Variants in PYY observed in about 807,000 individuals in gnomAD.
PYY encodes peptide tyrosine tyrosine.
PYY carries 12 observed loss-of-function variants against 10.3 expected under a neutral mutation model. The ratio of observed to expected loss-of-function variants is 1.17; its 90% CI spans 0.75 to 1.89. The LOEUF is 1.89. Ranked by LOEUF, PYY falls within the 40% of genes most tolerant of loss-of-function variation. The probability of loss-of-function intolerance (pLI) is 0.00; values close to 1 mark genes in which losing one functional copy is unlikely to be tolerated. For missense variants in PYY, 141 were observed against 134.0 expected, an observed-to-expected ratio of 1.05 and a Z score of -0.26; for synonymous variants, 66 against 62.0, an observed-to-expected ratio of 1.06 and a Z score of -0.30.
At chr17:43,967,341 T>G (rs1397227735) in intron 1 of PYY, among the ~76,000 whole-genome samples, 2 of 152,012 alleles carry the variant, frequency 1.3e-5, no homozygotes, top group African/African-American at 2.4e-5. Context: ...CCCTAAACAC[T>G]ATGCACTCTC....
chr17:43,974,067 A>G (rs893799697), intron 1 of PYY, among the ~76,000 whole-genome samples: 1 of 152,042 alleles, frequency 6.6e-6, no homozygotes, highest in Non-Finnish European at 1.5e-5. Flanking sequence ...GTGAGTATGA[A>G]TATCTTTTCC....
rs780206447 is a variant in PYY, at chr17:43,953,134, C to T, written c.244G>A (p.Gly82Ser). Reference sequence around the variant, plus strand: ...CGCGACCTGACGGGGCGGTCCTCGCCGTCGGGGAAGAACGTTTTGGAAAGA... The same window carrying T: ...CGCGACCTGACGGGGCGGTCCTCGCTGTCGGGGAAGAACGTTTTGGAAAGA... ...TLLSKTFFPD[G>S]EDRPVRSRSE... Residue 82 changes from glycine (G) to serine (S), a missense_variant, in exon 3 of 4, where the codon GGC becomes AGC. Transcript: ENST00000692052. The T allele has an allele frequency of 1.7e-5, 28 of 1,613,988 alleles. No individual in the cohort carries two copies. The East Asian group carries it at 6.0e-4, about 35-fold the overall frequency.
chr17:43,956,740 C>T, upstream of PYY, among the ~76,000 whole-genome samples: 1 of 152,146 alleles, frequency 6.6e-6, no homozygotes, highest in Non-Finnish European at 1.5e-5. Flanking sequence ...CCATTCATCC[C>T]CAGAGGCTTA....
intron 1 of PYY, among the ~76,000 whole-genome samples, chr17:43,989,067 A>ATTT (rs77139423): frequency 0.94 from 141,577 of 151,110 alleles, 66,365 homozygotes; most frequent in East Asian, 1. Flanking sequence ...CGGCCCTAGC[A>ATTT]TTTTAATTGT....
intron 1 of PYY, 74 bp from the exon 2 acceptor site, chr17:43,953,557 G>T (rs1597840894): frequency 1.5e-6 from 2 of 1,376,746 alleles, no homozygotes; most frequent in East Asian, 5.0e-5. Flanking sequence ...GGCTGCCGTC[G>T]GGGCCGCGCT....
chr17:43,984,711 G>A (rs1597855138), intron 1 of PYY, among the ~76,000 whole-genome samples: 1 of 152,196 alleles, frequency 6.6e-6, no homozygotes, highest in African/African-American at 2.4e-5. Context: ...AGCCTGGAAG[G>A]CCCATACCAG....
chr17:43,960,273 T>A (rs1251931030), intron 2 of PYY, among the ~76,000 whole-genome samples: 1 of 152,164 alleles, frequency 6.6e-6, no homozygotes, highest in Admixed American at 6.5e-5. Context: ...CCGGGCGCGG[T>A]AGCTCACACC....
In PYY at chr17:43,953,302, C is replaced by G. The variant is rs748873545; in HGVS notation, c.182G>C (p.Arg61Pro). The change falls in exon 2 of 4, where the codon CGG becomes CCG. Residue 61 changes from arginine (R) to proline (P), a missense_variant. By Grantham distance (103) the Arg-to-Pro change is moderately radical. Transcript: ENST00000692052. ...GCTCCGCGCCTGCGCTCACCGCTGC[C>G]GGGTGACCAGGTTGAGGTAGTGGCG... is the stretch of plus-strand genomic sequence containing the variant. Reference protein sequence around the residue: ...SLRHYLNLVTRQRYGKRDGPD... With the variant: ...SLRHYLNLVTPQRYGKRDGPD... 6.2e-7 allele frequency: 1 copy of G among 1,612,160 alleles called. No homozygotes were observed. Among genetic ancestry groups the G allele is most frequent in the Non-Finnish European group, 8.5e-7 (1 of 1,179,144 alleles).
intron 1 of PYY, among the ~76,000 whole-genome samples, chr17:43,993,616 ACT>A (rs1157489891): frequency 6.6e-6 from 1 of 151,608 alleles, no homozygotes; most frequent in Non-Finnish European, 1.5e-5. Context: ...ACAGAGTGAG[ACT>A]CTGTCTTAAA....
chr17:43,955,236 C>T (rs1217169458), upstream of PYY, among the ~76,000 whole-genome samples: 1 of 152,202 alleles, frequency 6.6e-6, no homozygotes, highest in African/African-American at 2.4e-5. Flanking sequence ...CCCCATAAAG[C>T]CCTTCCAGCT....
At chr17:43,978,382 A>G (rs1291724255) in intron 1 of PYY, among the ~76,000 whole-genome samples, 1 of 151,886 alleles carries the variant, frequency 6.6e-6, no homozygotes, top group Non-Finnish European at 1.5e-5. Context: ...TTGGCTGGGT[A>G]TGATAGCTCA....
Position 43,953,343 on chromosome 17 carries a change from G to A in PYY, c.141C>T (p.Arg47=). ...GGTAGTGGCGCAGGGAGGCGTAGTA[G>A]CGGTTCAGCTCCTCCGGCGAGGCGT... ...REDASPEELN[R]YYASLRHYLN... Residue 47 remains arginine, a synonymous_variant, in exon 2 of 4, where the codon CGC becomes CGT. Transcript: ENST00000692052. 2.5e-6 allele frequency: 4 copies of A among 1,612,776 alleles called. No homozygotes were observed. Among genetic ancestry groups the A allele is most frequent in the Non-Finnish European group, 3.4e-6 (4 of 1,179,532 alleles).
chr17:43,973,658 G>A (rs2048810446), intron 1 of PYY, among the ~76,000 whole-genome samples: 2 of 152,306 alleles, frequency 1.3e-5, no homozygotes, highest in East Asian at 1.9e-4. Context: ...AGCCAGGCAT[G>A]GTGGCGGCCA....
At chr17:44,001,880 T>C (rs931853447) in intron 1 of PYY, among the ~76,000 whole-genome samples, 2 of 152,126 alleles carry the variant, frequency 1.3e-5, no homozygotes, top group African/African-American at 2.4e-5. Context: ...CCTGCTGTGA[T>C]GAAGAGCTGG....
chr17:43,953,466 C>T lies in PYY; in HGVS notation c.18G>A (p.Arg6=). 3.1e-6 allele frequency: 5 copies of T among 1,602,956 alleles called. No homozygotes were observed. Among genetic ancestry groups the T allele is most frequent in the Non-Finnish European group, 4.3e-6 (5 of 1,173,690 alleles). The change falls in exon 2 of 4, where the codon AGG becomes AGA. Residue 6 remains arginine, a synonymous_variant. Coordinates refer to ENST00000692052, the MANE Select transcript of PYY (RefSeq NM_001394028.1). MVFVR[R]PWPALTTVLL... ...GCACTGTGGTCAAGGCGGGCCACGG[C>T]CTGCGCACGAACACCATCTGGGAAG... is the stretch of plus-strand genomic sequence containing the variant.
At chr17:43,982,081 CA>C (rs2048887156) in intron 1 of PYY, among the ~76,000 whole-genome samples, 1 of 152,184 alleles carries the variant, frequency 6.6e-6, no homozygotes, top group Non-Finnish European at 1.5e-5. Flanking sequence ...TCTTCATGGA[CA>C]ACTTCTTAGC....
At position 43,975,022 on chromosome 17, in the gene PYY, T is replaced by C. The variant is rs115411525; in HGVS notation, c.-462-8490A>G. Among the ~76,000 whole-genome samples the C allele has an allele frequency of 3.7e-3, 562 of 152,260 alleles. 10 individuals are homozygous for C. Among genetic ancestry groups the C allele is most frequent in the African/African-American group, 0.012 (518 of 41,554 alleles). On this transcript the variant is annotated intron_variant, in intron 1 of 6. Transcript: ENST00000360085. The stretch of plus-strand genomic sequence containing the variant: ...CCTTTAGAAGCAGCCTCTCATTTAA[T>C]TAGAAATTCTTCCAGCCGTTGAGCC...
At chr17:43,989,328 CAT>C (rs2048937399) in intron 1 of PYY, among the ~76,000 whole-genome samples, 3 of 150,396 alleles carry the variant, frequency 2.0e-5, no homozygotes, top group Non-Finnish European at 4.4e-5. Context: ...GAGCTGAGAT[CAT>C]GCCACTGCAC....
upstream of PYY, among the ~76,000 whole-genome samples, chr17:43,958,265 C>T (rs745698744): frequency 6.6e-6 from 1 of 150,494 alleles, no homozygotes; most frequent in East Asian, 2.0e-4. Context: ...CAACTGTTTA[C>T]AGATTCAACC....
Sources: allele counts gnomAD v4.1 joint callset (sites outside exome capture counted in the v4.1 genomes callset), GRCh38; gene constraint gnomAD v4.1.1; transcripts MANE v1.5; gene names NCBI Gene and HGNC (gene_info 2026-07-23, HGNC 2026-07-21).